Variants in DENND2B observed in about 807,000 individuals in gnomAD.
DENND2B encodes the protein DENN domain containing 2B, also known as DENN domain-containing protein 2B.
DENND2B carries 32 observed loss-of-function variants against 116.0 expected under a neutral mutation model. That is an observed-to-expected ratio of 0.28 (90% CI 0.21 to 0.37). DENND2B has a LOEUF of 0.37. Among genes scored for constraint, DENND2B ranks in the 10% least tolerant of loss-of-function variants. The pLI is 1.00. For synonymous variants in DENND2B, 588 were observed against 583.9 expected (o/e 1.01, Z -0.10); for missense variants, 1,276 against 1,477.7 (o/e 0.86, Z 2.24).
chr11:8,730,877 G>A lies in DENND2B; in HGVS notation c.413C>T (p.Thr138Met), dbSNP rs138493206. ...VAACLPLAQSTPFPGPAAGPR... is the reference protein window; with the variant it reads ...VAACLPLAQSMPFPGPAAGPR... ...GCCAGCTGCTGGCCCCGGGAATGGCGTGCTCTGGGCAAGGGGGAGGCAGGC... is the reference window on the plus strand; with the variant it reads ...GCCAGCTGCTGGCCCCGGGAATGGCATGCTCTGGGCAAGGGGGAGGCAGGC... Residue 138 changes from threonine (T) to methionine (M), a missense_variant, in exon 3 of 20, where the codon ACG becomes ATG. By Grantham distance (81) the Thr-to-Met change is moderately conservative (BLOSUM62 -1). This residue lies in a region of DENND2B where 856 missense variants were observed against 846.6 expected (regional missense o/e 1.01). Transcript: ENST00000313726. The surrounding 1 kb of genome is among the most constrained non-coding windows in gnomAD (Gnocchi z 4.1). The A allele has an allele frequency of 6.2e-7, 1 of 1,613,840 alleles. No homozygotes were observed.
intron 1 of DENND2B, among the ~76,000 whole-genome samples, chr11:8,800,289 A>C (rs1271339602): frequency 6.6e-6 from 1 of 152,094 alleles, no homozygotes; most frequent in Non-Finnish European, 1.5e-5. Context: ...CCATCAGAAC[A>C]CATATTAGGT....
chr11:8,824,150 A>G (rs1406016041), intron 4 of DENND2B, among the ~76,000 whole-genome samples: 12 of 151,086 alleles, frequency 7.9e-5, no homozygotes, highest in Non-Finnish European at 1.3e-4. Context: ...GATCTGCCCA[A>G]CTAGGCCTCC....
intron 3 of DENND2B, among the ~76,000 whole-genome samples, chr11:8,840,235 T>C (rs1439905414): frequency 6.6e-6 from 1 of 152,108 alleles, no homozygotes; most frequent in Non-Finnish European, 1.5e-5. Context: ...AGGTATTCTC[T>C]TGGACAAAAG....
chr11:8,761,120 T>A (rs2054549299), intron 1 of DENND2B, among the ~76,000 whole-genome samples: 1 of 152,210 alleles, frequency 6.6e-6, no homozygotes, highest in Non-Finnish European at 1.5e-5. Flanking sequence ...GTGCAGATCC[T>A]GCAGAGGTTT....
intron 4 of DENND2B, among the ~76,000 whole-genome samples, chr11:8,817,641 T>C (rs912435411): frequency 6.6e-6 from 1 of 152,086 alleles, no homozygotes; most frequent in Non-Finnish European, 1.5e-5. Context: ...TCATGCTAGG[T>C]TGCGCCCCCT....
chr11:8,851,854 G>C (rs1222184187), intron 3 of DENND2B, among the ~76,000 whole-genome samples: 2 of 152,102 alleles, frequency 1.3e-5, no homozygotes, highest in Non-Finnish European at 2.9e-5. Context: ...AATTATCTCT[G>C]TGTAGTAGGA....
intron 2 of DENND2B, among the ~76,000 whole-genome samples, chr11:8,864,694 C>G (rs1270227917): frequency 6.6e-6 from 1 of 152,136 alleles, no homozygotes; most frequent in African/African-American, 2.4e-5. Flanking sequence ...GCTTTTTCCG[C>G]AGGAGATATT....
chr11:8,822,673 C>A (rs1319873710), intron 4 of DENND2B, among the ~76,000 whole-genome samples: 3 of 152,218 alleles, frequency 2.0e-5, no homozygotes, highest in Non-Finnish European at 4.4e-5. Flanking sequence ...GTTTCCCTTT[C>A]GAACTCTGCA....
intron 3 of DENND2B, among the ~76,000 whole-genome samples, chr11:8,853,023 T>C (rs140295518): frequency 1.3e-5 from 2 of 152,296 alleles, no homozygotes; most frequent in East Asian, 3.9e-4. Flanking sequence ...TGGGAGGTGA[T>C]TAGATCACCA....
chr11:8,874,149 G>A (rs934227142), upstream of DENND2B, among the ~76,000 whole-genome samples: 5 of 152,012 alleles, frequency 3.3e-5, no homozygotes, highest in South Asian at 2.1e-4. Flanking sequence ...TCTCTCATAC[G>A]TCTCCTCCAC....
intron 1 of DENND2B, among the ~76,000 whole-genome samples, chr11:8,887,230 T>C (rs1469077144): frequency 6.6e-6 from 1 of 152,262 alleles, no homozygotes; most frequent in Non-Finnish European, 1.5e-5. Context: ...TAGCAAATAA[T>C]TTTTCAAAAT....
Position 8,796,143 on chromosome 11 carries a change from A to G in DENND2B, c.-26+14374T>C, listed in dbSNP as rs1365698551. Among the ~76,000 whole-genome samples, 4 of 152,308 alleles carry G rather than the reference A, an allele frequency of 2.6e-5. No individual in the cohort carries two copies. In the East Asian group the frequency reaches 5.8e-4, roughly 22 times the overall value. On this transcript the variant is annotated intron_variant, in intron 1 of 19. Transcript: ENST00000313726. ...GCTGATTGGGCTGACCACAGATCTC[A>G]TGAACACCAAGGAATGAGAGTTTAT...
intron 1 of DENND2B, among the ~76,000 whole-genome samples, chr11:8,906,508 T>TTAAAAA (rs1566095956): frequency 3.0e-5 from 2 of 67,512 alleles, no homozygotes; most frequent in African/African-American, 8.0e-5. Context: ...CAAGAAGTCT[T>TTAAAAA]CAAAAAAAAA....
intron 1 of DENND2B, among the ~76,000 whole-genome samples, chr11:8,889,552 C>T (rs2064001375): frequency 6.6e-6 from 1 of 152,226 alleles, no homozygotes; most frequent in Non-Finnish European, 1.5e-5. Flanking sequence ...CCTAATACTG[C>T]ACTTTTCCAA....
chr11:8,791,358 G>GTA (rs2059360973), intron 1 of DENND2B, among the ~76,000 whole-genome samples: 3 of 152,186 alleles, frequency 2.0e-5, no homozygotes, highest in South Asian at 4.1e-4. Flanking sequence ...TGGTTGTATC[G>GTA]TATATAGGAT....
upstream of DENND2B, chr11:8,811,581 C>T (rs1380501165): frequency 1.1e-5 from 4 of 369,638 alleles, no homozygotes; most frequent in African/African-American, 4.2e-5. Context: ...CCATCCCCAT[C>T]CCCATCCTGT....
upstream of DENND2B, among the ~76,000 whole-genome samples, chr11:8,815,384 G>A (rs138414580): frequency 1.3e-4 from 20 of 152,172 alleles, no homozygotes; most frequent in East Asian, 1.7e-3. Context: ...TACATCCAAC[G>A]TTCCCTCTTC....
intron 2 of DENND2B, among the ~76,000 whole-genome samples, chr11:8,742,007 C>T (rs1463502269): frequency 6.6e-6 from 1 of 152,240 alleles, no homozygotes; most frequent in Non-Finnish European, 1.5e-5. Context: ...CCTCCCGCCT[C>T]AGCCTCGTGA....
intron 4 of DENND2B, among the ~76,000 whole-genome samples, chr11:8,724,761 G>A (rs1463668067): frequency 2.0e-5 from 3 of 152,248 alleles, no homozygotes; most frequent in Non-Finnish European, 4.4e-5. Flanking sequence ...ACAGCAAACA[G>A]CCTTGGAAGA....
Sources: allele counts gnomAD v4.1 joint callset (sites outside exome capture counted in the v4.1 genomes callset), GRCh38; gene constraint gnomAD v4.1.1; regional missense constraint gnomAD v4.1.1; non-coding constraint Gnocchi (gnomAD v3.1); transcripts MANE v1.5; gene names NCBI Gene and HGNC (gene_info 2026-07-23, HGNC 2026-07-21).